CAPN13: variants seen among roughly 807,000 people sequenced by gnomAD.
The protein encoded by CAPN13 is calpain-13.
In CAPN13, 90 loss-of-function variants were observed where a neutral mutation model predicts 98.4. The ratio of observed to expected loss-of-function variants is 0.92; its 90% confidence interval spans 0.77 to 1.09. CAPN13 has a LOEUF of 1.09. CAPN13 is among the 50% of genes least tolerant of loss of function. CAPN13 has a pLI of 0.00. For synonymous variants in CAPN13, 330 were observed against 305.5 expected, an observed-to-expected ratio of 1.08 and a Z score of -0.84; for missense variants, 887 against 841.3, an observed-to-expected ratio of 1.05 and a Z score of -0.67.
chr2:30,795,474 C>G (rs1003185052), intron 1 of CAPN13, among the ~76,000 whole-genome samples: 1 of 152,020 alleles, frequency 6.6e-6, no homozygotes, highest in African/African-American at 2.4e-5. Context: ...TAGGTGGTAA[C>G]TCCTATGTCT....
At chr2:30,748,632 G>A (rs937671295) in intron 11 of CAPN13, among the ~76,000 whole-genome samples, 1 of 152,096 alleles carries the variant, frequency 6.6e-6, no homozygotes, top group East Asian at 1.9e-4. Context: ...GCATCCAAGG[G>A]CTTGGTTGAG....
At position 30,742,372 on chromosome 2, in the gene CAPN13, A is replaced by G. The variant is rs764482607; in HGVS notation, c.1446-13T>C. ...GCTGCTCAGGTGCCTAGAAAATCAG[A>G]GGACAGTGTGACAAAGATGACCAGC... is the stretch of plus-strand genomic sequence containing the variant. On this transcript the variant is annotated splice_polypyrimidine_tract_variant and intron_variant, in intron 13 of 22. Transcript: ENST00000295055. 1.2e-6 allele frequency: 2 copies of G among 1,602,714 alleles called. No individual in the cohort carries two copies. Among genetic ancestry groups the G allele is most frequent in the East Asian group, 2.2e-5 (1 of 44,516 alleles).
chr2:30,741,449 A>C (rs983937180), intron 15 of CAPN13: 1 of 1,000,072 alleles, frequency 1.0e-6, no homozygotes, highest in Non-Finnish European at 1.2e-6. Flanking sequence ...TCTTTATAAC[A>C]GTTTATTAAG....
chr2:30,743,629 G>T (rs778840566), intron 12 of CAPN13, 50 bp from the exon 13 acceptor site: 19 of 1,554,382 alleles, frequency 1.2e-5, no homozygotes, highest in Non-Finnish European at 1.7e-5. Flanking sequence ...CTCTGTGCAT[G>T]GACCCCAGTC....
intron 18 of CAPN13, 96 bp from the exon 19 acceptor site, chr2:30,734,620 G>C: frequency 1.1e-6 from 1 of 921,508 alleles, no homozygotes; most frequent in Non-Finnish European, 1.7e-6. Flanking sequence ...AAACCTCAGA[G>C]GAAGGCACGG....
intron 1 of CAPN13, among the ~76,000 whole-genome samples, chr2:30,805,171 G>A (rs1008356934): frequency 6.6e-6 from 1 of 152,090 alleles, no homozygotes; most frequent in Non-Finnish European, 1.5e-5. Context: ...CTCCCCATAG[G>A]GCAAGCTTTG....
intron 2 of CAPN13, among the ~76,000 whole-genome samples, chr2:30,781,880 A>T (rs764423296): frequency 2.0e-5 from 3 of 152,208 alleles, no homozygotes; most frequent in African/African-American, 4.8e-5. Context: ...AGATATATTG[A>T]TATATTTACT....
intron 8 of CAPN13, among the ~76,000 whole-genome samples, chr2:30,756,354 G>T (rs1438320412): frequency 6.6e-6 from 1 of 152,096 alleles, no homozygotes; most frequent in Non-Finnish European, 1.5e-5. Flanking sequence ...CTCTTCTGAA[G>T]TGAGTCATAC....
At chr2:30,798,161 G>A (rs1314008273) in intron 1 of CAPN13, among the ~76,000 whole-genome samples, 2 of 152,252 alleles carry the variant, frequency 1.3e-5, no homozygotes, top group Non-Finnish European at 2.9e-5. Flanking sequence ...GATGGCTAGT[G>A]CAATTCAGGG....
chr2:30,791,155 A>C (rs527800702), intron 1 of CAPN13, among the ~76,000 whole-genome samples: 1 of 152,348 alleles, frequency 6.6e-6, no homozygotes, highest in Non-Finnish European at 1.5e-5. Context: ...GAATTGGGTC[A>C]TGTCGGTAAG....
chr2:30,769,891 T>A (rs769620445), intron 5 of CAPN13, among the ~76,000 whole-genome samples: 19 of 152,072 alleles, frequency 1.2e-4, no homozygotes, highest in Non-Finnish European at 2.5e-4. Context: ...CTCCCACCTA[T>A]CCCCTCTCCC....
chr2:30,783,701 A>T (rs982983051), intron 2 of CAPN13, among the ~76,000 whole-genome samples: 5 of 152,190 alleles, frequency 3.3e-5, no homozygotes, highest in Non-Finnish European at 5.9e-5. Context: ...CTTGTGGTTT[A>T]CCAGTTGCCT....
intron 13 of CAPN13, 179 bp downstream of exon 13, chr2:30,743,204 G>A: frequency 3.1e-6 from 2 of 636,158 alleles, no homozygotes; most frequent in Non-Finnish European, 2.8e-6. Context: ...TCTGGTTCTT[G>A]GTTCATAGAC....
intron 1 of CAPN13, among the ~76,000 whole-genome samples, chr2:30,807,073 T>C (rs1312157758): frequency 1.3e-5 from 2 of 152,184 alleles, no homozygotes; most frequent in African/African-American, 4.8e-5. Flanking sequence ...AAGTTTGGAT[T>C]AGATTCTCTT....
rs748611344 is a variant in CAPN13, at chr2:30,732,458, A to G, written c.1907T>C (p.Met636Thr). The G allele has an allele frequency of 3.1e-6, 5 of 1,613,566 alleles. No individual in the cohort carries two copies. In the African/African-American group the frequency reaches 5.3e-5, roughly 17 times the overall value. Residue 636 changes from methionine (M) to threonine (T), a missense_variant, in exon 20 of 23, where the codon ATG (methionine) becomes ACG (threonine). Met to Thr is a moderately conservative substitution (Grantham distance 81). Transcript: ENST00000295055. Reference sequence around the variant, plus strand: ...CTTACTTGCCATGGCTTCAAGCCGCATCAGGAAGCAGACCAGGCTGGGGAA... The same window carrying G: ...CTTACTTGCCATGGCTTCAAGCCGCGTCAGGAAGCAGACCAGGCTGGGGAA... ...VSFPSLVCFL[M>T]RLEAMAKTFR...
chr2:30,742,909 T>C (rs146960752), intron 13 of CAPN13, among the ~76,000 whole-genome samples: 227 of 152,252 alleles, frequency 1.5e-3, no homozygotes, highest in African/African-American at 5.3e-3. Context: ...TCAGGCCATG[T>C]GATATGCTGG....
intron 18 of CAPN13, among the ~76,000 whole-genome samples, chr2:30,735,965 A>T (rs985575399): frequency 6.6e-6 from 1 of 152,082 alleles, no homozygotes; most frequent in East Asian, 1.9e-4. Flanking sequence ...GTTTACAGGA[A>T]ATAGTGAATC....
chr2:30,803,843 A>C (rs567199236), intron 1 of CAPN13, among the ~76,000 whole-genome samples: 1 of 152,330 alleles, frequency 6.6e-6, no homozygotes, highest in East Asian at 1.9e-4. Context: ...ATCATGGATT[A>C]CAAGAGGCTG....
At chr2:30,732,343 C>T in intron 20 of CAPN13, 95 bp downstream of exon 20, 1 of 1,518,486 alleles carries the variant, frequency 6.6e-7, no homozygotes, top group Admixed American at 1.8e-5. Flanking sequence ...GCTGAGGCCT[C>T]ACGCAGACCT....
Sources: gnomAD v4.1 joint callset for allele counts (sites outside exome capture counted in the v4.1 genomes callset) on GRCh38, gnomAD v4.1.1 for gene constraint, MANE v1.5 for transcripts, NCBI Gene and HGNC (gene_info 2026-07-23, HGNC 2026-07-21) for gene names.